The following SYN3 variants were observed in gnomAD, a reference collection of about 807,000 sequenced individuals.
The protein encoded by SYN3 is synapsin-3.
SYN3 carries 35 observed loss-of-function variants against 65.8 expected under a neutral mutation model. That is an observed-to-expected ratio of 0.53 (90% confidence interval 0.41 to 0.70). SYN3 has a LOEUF of 0.70. SYN3 is among the 30% of genes least tolerant of loss of function. The probability of loss-of-function intolerance (pLI) is 0.00; values close to 1 mark genes in which losing one functional copy is unlikely to be tolerated. For synonymous variants in SYN3, 270 were observed against 292.9 expected (o/e 0.92, Z 0.80); for missense variants, 680 against 749.0 (o/e 0.91, Z 1.08).
chr22:32,614,715 T>C (rs867757942), intron 6 of SYN3, among the ~76,000 whole-genome samples: 3 of 152,152 alleles, frequency 2.0e-5, no homozygotes, highest in African/African-American at 7.2e-5. Context: ...ATTAATGATA[T>C]ACAAAAGGCC....
intron 6 of SYN3, among the ~76,000 whole-genome samples, chr22:32,624,424 C>T (rs2059637429): frequency 1.3e-5 from 2 of 152,210 alleles, no homozygotes; most frequent in African/African-American, 4.8e-5. Flanking sequence ...CGGTCATACC[C>T]ATTGTCAGGC....
chr22:32,748,662 G>C (rs1220280541), intron 6 of SYN3, among the ~76,000 whole-genome samples: 1 of 152,190 alleles, frequency 6.6e-6, no homozygotes, highest in Non-Finnish European at 1.5e-5. Context: ...TGAGCTGTTT[G>C]CTAAGTGCCC....
rs2047762723 is a variant in SYN3 at position 32,837,337 on chromosome 22, C to T, written c.711+27578G>A. On this transcript the variant is annotated intron_variant, in intron 6 of 13. Transcript: ENST00000358763. This position sits in a 1 kb window ranked among gnomAD's most constrained non-coding sequence, Gnocchi z 4.1. ...CTCAGGGGATAGGGGGTGGTCTCAG[C>T]CCCCCTCACCGAGTGCACTTGCATG... Among the ~76,000 whole-genome samples the T allele has an allele frequency of 1.3e-5, 2 of 152,156 alleles. No homozygotes were observed. The highest frequency in any genetic ancestry group is 4.8e-5 in the African/African-American group (2 of 41,434).
At chr22:32,931,691 T>C (rs2050639196) in intron 3 of SYN3, among the ~76,000 whole-genome samples, 1 of 152,204 alleles carries the variant, frequency 6.6e-6, no homozygotes, top group Admixed American at 6.5e-5. Flanking sequence ...GGCAGCACAA[T>C]TAATACAAGG....
At chr22:32,688,893 TG>T (rs2060627061) in intron 6 of SYN3, among the ~76,000 whole-genome samples, 1 of 152,096 alleles carries the variant, frequency 6.6e-6, no homozygotes, top group Non-Finnish European at 1.5e-5. Flanking sequence ...GGCAGGGGCC[TG>T]GGGGTGAGCA....
chr22:32,826,286 T>A (rs181807557), intron 6 of SYN3, among the ~76,000 whole-genome samples: 2 of 152,198 alleles, frequency 1.3e-5, no homozygotes, highest in East Asian at 3.9e-4. Flanking sequence ...AAAAATTAGC[T>A]GGGTGTGGTG....
chr22:32,881,053 G>T (rs1280047268), intron 4 of SYN3, among the ~76,000 whole-genome samples: 1 of 152,204 alleles, frequency 6.6e-6, no homozygotes, highest in East Asian at 1.9e-4. Flanking sequence ...AGCTGCCTGA[G>T]CTCCAGCGCT....
chr22:32,535,288 G>A (rs547294844), intron 9 of SYN3, among the ~76,000 whole-genome samples: 2 of 152,212 alleles, frequency 1.3e-5, no homozygotes, highest in East Asian at 3.9e-4. Flanking sequence ...AATAATTTTG[G>A]AAAAGCCTCT....
chr22:32,854,894 A>T (rs1318490087), intron 6 of SYN3, among the ~76,000 whole-genome samples: 1 of 152,104 alleles, frequency 6.6e-6, no homozygotes, highest in Non-Finnish European at 1.5e-5. Flanking sequence ...GGTCCAACAG[A>T]CCAAGTTATG....
intron 4 of SYN3, among the ~76,000 whole-genome samples, chr22:32,917,106 C>T (rs1378492897): frequency 6.6e-6 from 1 of 152,184 alleles, no homozygotes; most frequent in East Asian, 1.9e-4. Context: ...CAGGCACTAA[C>T]AATTGAAAGA....
intron 6 of SYN3, among the ~76,000 whole-genome samples, chr22:32,718,857 G>C (rs147707307): frequency 1.3e-5 from 2 of 152,144 alleles, no homozygotes; most frequent in African/African-American, 2.4e-5. Context: ...GGCACCCAGC[G>C]TTCCTTTTAA....
intron 7 of SYN3, among the ~76,000 whole-genome samples, chr22:32,565,205 T>C (rs761041476): frequency 6.0e-5 from 9 of 151,138 alleles, no homozygotes; most frequent in Non-Finnish European, 1.0e-4. Flanking sequence ...GGACTGCACC[T>C]AAACAGTGCT....
intron 13 of SYN3, among the ~76,000 whole-genome samples, chr22:32,516,343 T>TTTTA (rs1555886860): frequency 7.1e-5 from 10 of 140,372 alleles, no homozygotes; most frequent in Non-Finnish European, 1.2e-4. Context: ...AACATACATC[T>TTTTA]TTGATTTATT....
chr22:32,649,375 G>T (rs964141203), intron 6 of SYN3, among the ~76,000 whole-genome samples: 2 of 152,194 alleles, frequency 1.3e-5, no homozygotes. Context: ...TTTCAAAATT[G>T]TGACAATAGA....
At chr22:32,709,678 CA>C (rs756600614) in intron 6 of SYN3, among the ~76,000 whole-genome samples, 1 of 151,990 alleles carries the variant, frequency 6.6e-6, no homozygotes, top group African/African-American at 2.4e-5. Context: ...GGGATATTTC[CA>C]AAGCTTTTTC....
chr22:32,602,642 A>G (rs2146626974), intron 6 of SYN3, among the ~76,000 whole-genome samples: 1 of 152,188 alleles, frequency 6.6e-6, no homozygotes, highest in Admixed American at 6.5e-5. Context: ...TTGTATTTTT[A>G]GTAGAGACGG....
intron 6 of SYN3, among the ~76,000 whole-genome samples, chr22:32,753,681 T>C (rs2045207514): frequency 6.6e-6 from 1 of 152,272 alleles, no homozygotes; most frequent in African/African-American, 2.4e-5. Flanking sequence ...GGTGTTGATT[T>C]ATCCCATACA....
chr22:32,876,520 C>G (rs947677746), intron 4 of SYN3, among the ~76,000 whole-genome samples: 1 of 151,498 alleles, frequency 6.6e-6, no homozygotes, highest in African/African-American at 2.4e-5. Flanking sequence ...CACCAAAATG[C>G]TGGCCTTAAA....
chr22:32,706,875 C>T (rs920183303), intron 6 of SYN3, among the ~76,000 whole-genome samples: 1 of 152,094 alleles, frequency 6.6e-6, no homozygotes, highest in African/African-American at 2.4e-5. Context: ...CCCAACCCTA[C>T]TCTCTCTTCA....
Sources: allele counts gnomAD v4.1 joint callset (sites outside exome capture counted in the v4.1 genomes callset), GRCh38; gene constraint gnomAD v4.1.1; non-coding constraint Gnocchi (gnomAD v3.1); transcripts MANE v1.5; gene names NCBI Gene and HGNC (gene_info 2026-07-23, HGNC 2026-07-21).